The following SLC4A4 variants were observed in gnomAD, a reference collection of about 807,000 sequenced individuals.
The protein encoded by SLC4A4 is solute carrier family 4 member 4, also known as electrogenic sodium bicarbonate cotransporter 1.
SLC4A4 carries 27 observed loss-of-function variants against 111.5 expected under a neutral mutation model. That is an observed-to-expected ratio of 0.24 (90% CI 0.18 to 0.33). The LOEUF (loss-of-function observed/expected upper bound fraction) is 0.33, where lower values mean the gene tolerates loss of function less well. Among genes scored for constraint, SLC4A4 ranks in the 10% least tolerant of loss-of-function variants. SLC4A4 has a pLI of 1.00. For synonymous variants in SLC4A4, 443 were observed against 463.4 expected (o/e 0.96, Z 0.57); for missense variants, 909 against 1,315.5 (o/e 0.69, Z 4.78).
chr4:71,488,905 TG>T (rs1729654682), intron 15 of SLC4A4, among the ~76,000 whole-genome samples: 1 of 151,046 alleles, frequency 6.6e-6, no homozygotes, highest in Admixed American at 6.6e-5. Flanking sequence ...TGTGTGTGTG[TG>T]TGTGTGTGTG....
chr4:71,310,433 A>G (rs913714865), intron 3 of SLC4A4, among the ~76,000 whole-genome samples: 6 of 152,220 alleles, frequency 3.9e-5, no homozygotes, highest in African/African-American at 1.4e-4. Flanking sequence ...AAGGGCAGCC[A>G]GAGAGAAAGG....
intron 16 of SLC4A4, among the ~76,000 whole-genome samples, chr4:71,528,166 A>G (rs550342912): frequency 2.4e-4 from 37 of 152,232 alleles, no homozygotes; most frequent in Non-Finnish European, 3.8e-4. Context: ...TTCCATACAC[A>G]TATCCTGCTA....
intron 2 of SLC4A4, among the ~76,000 whole-genome samples, chr4:71,099,663 T>TA (rs1007946015): frequency 2.0e-5 from 3 of 152,096 alleles, no homozygotes; most frequent in Middle Eastern, 3.4e-3. Flanking sequence ...GTTGGTTTTG[T>TA]AAAAAAATTA....
chr4:71,076,826 A>G (rs1036813417), intron 1 of SLC4A4, among the ~76,000 whole-genome samples: 3 of 151,910 alleles, frequency 2.0e-5, no homozygotes, highest in Non-Finnish European at 2.9e-5. Context: ...CCACATTTTT[A>G]CAAAAAATAC....
intron 2 of SLC4A4, among the ~76,000 whole-genome samples, chr4:71,115,565 G>A (rs992929152): frequency 3.3e-5 from 5 of 152,136 alleles, no homozygotes; most frequent in African/African-American, 1.2e-4. Context: ...TAAACAGTTT[G>A]TCTGGTTTTA....
intron 22 of SLC4A4, among the ~76,000 whole-genome samples, chr4:71,558,526 G>C (rs889984892): frequency 6.6e-6 from 1 of 151,910 alleles, no homozygotes; most frequent in African/African-American, 2.4e-5. Flanking sequence ...AAGGAGTTCT[G>C]TATTTGGCAT....
intron 3 of SLC4A4, among the ~76,000 whole-genome samples, chr4:71,305,988 G>A (rs1263831102): frequency 2.6e-5 from 4 of 152,218 alleles, no homozygotes; most frequent in Admixed American, 6.5e-5. Context: ...AAAGCATTGA[G>A]TGCAGTGTCC....
At chr4:71,342,387 T>C (rs373060511) in intron 4 of SLC4A4, among the ~76,000 whole-genome samples, 60 of 152,330 alleles carry the variant, frequency 3.9e-4, no homozygotes, top group African/African-American at 1.4e-3. Context: ...TGGTGCAGCC[T>C]GAAGTGTTGG....
intron 14 of SLC4A4, among the ~76,000 whole-genome samples, chr4:71,486,469 A>G (rs1729415963): frequency 6.6e-6 from 1 of 151,504 alleles, no homozygotes; most frequent in Non-Finnish European, 1.5e-5. Flanking sequence ...GTTTTCACAC[A>G]TTTTGCAAAG....
chr4:71,148,240 G>A (rs894612567), intron 2 of SLC4A4, among the ~76,000 whole-genome samples: 13 of 152,104 alleles, frequency 8.5e-5, no homozygotes, highest in Non-Finnish European at 1.5e-5. Flanking sequence ...TCTGACAATT[G>A]GAAAGCTCTT....
At chr4:71,239,534 C>G (rs1332957534) in intron 2 of SLC4A4, among the ~76,000 whole-genome samples, 1 of 152,144 alleles carries the variant, frequency 6.6e-6, no homozygotes, top group African/African-American at 2.4e-5. Context: ...CAACTTTACT[C>G]TCAGTGGGTG....
chr4:71,281,354 G>A (rs945539040), intron 3 of SLC4A4, among the ~76,000 whole-genome samples: 8 of 152,148 alleles, frequency 5.3e-5, no homozygotes, highest in Admixed American at 5.2e-4. Flanking sequence ...TGGTTTTGAC[G>A]GAAAGCATAA....
intron 1 of SLC4A4, among the ~76,000 whole-genome samples, chr4:71,076,009 C>G (rs543161777): frequency 7.0e-6 from 1 of 143,140 alleles, no homozygotes; most frequent in Admixed American, 7.0e-5. Flanking sequence ...AAATAAATAG[C>G]AATCCCGTCA....
At chr4:71,148,366 C>G (rs540569560) in intron 2 of SLC4A4, among the ~76,000 whole-genome samples, 1 of 152,128 alleles carries the variant, frequency 6.6e-6, no homozygotes, top group African/African-American at 2.4e-5. Flanking sequence ...ACTGGATCTC[C>G]AAACCTTCCA....
intron 1 of SLC4A4, among the ~76,000 whole-genome samples, chr4:71,064,832 C>G (rs184969572): frequency 6.6e-6 from 1 of 152,296 alleles, no homozygotes; most frequent in East Asian, 1.9e-4. Context: ...TGCTAGCTAT[C>G]TAATCGTAGA....
intron 11 of SLC4A4, among the ~76,000 whole-genome samples, chr4:71,452,674 G>A (rs1204133161): frequency 6.6e-6 from 1 of 152,152 alleles, no homozygotes; most frequent in Non-Finnish European, 1.5e-5. Flanking sequence ...AGGCTTGGTT[G>A]GGAGGGTGAG....
intron 3 of SLC4A4, among the ~76,000 whole-genome samples, chr4:71,260,575 G>A (rs1403759172): frequency 6.6e-6 from 1 of 152,182 alleles, no homozygotes; most frequent in Non-Finnish European, 1.5e-5. Flanking sequence ...GTAGGAGGAA[G>A]TACTTTGTCT....
At chr4:71,303,447 A>G (rs1019801334) in intron 3 of SLC4A4, among the ~76,000 whole-genome samples, 2 of 152,152 alleles carry the variant, frequency 1.3e-5, no homozygotes, top group African/African-American at 4.8e-5. Context: ...GGCACTTTTT[A>G]TCTTCTGTTG....
chr4:71,122,525 A>T (rs1221996966), intron 2 of SLC4A4, among the ~76,000 whole-genome samples: 1 of 152,086 alleles, frequency 6.6e-6, no homozygotes, highest in Non-Finnish European at 1.5e-5. Context: ...TAGCATTATA[A>T]AAATTTGATT....
Sources: gnomAD v4.1 joint callset for allele counts (sites outside exome capture counted in the v4.1 genomes callset) on GRCh38, gnomAD v4.1.1 for gene constraint, MANE v1.5 for transcripts, NCBI Gene and HGNC (gene_info 2026-07-23, HGNC 2026-07-21) for gene names.